Variants in MDM2 observed in about 807,000 individuals in gnomAD.
MDM2 encodes E3 ubiquitin-protein ligase Mdm2.
Under a neutral mutation model 64.3 loss-of-function variants are expected in MDM2, and 11 were observed. The observed-to-expected ratio is 0.17, with a 90% CI of 0.11 to 0.28. MDM2 has a LOEUF of 0.28. Ranked by LOEUF, MDM2 falls within the 10% of genes least tolerant of loss-of-function variation. MDM2 has a pLI of 1.00. For missense variants in MDM2, 388 were observed against 577.1 expected (o/e 0.67, Z 3.36); for synonymous variants, 194 against 192.9 (o/e 1.01, Z -0.05).
Position 68,816,901 on chromosome 12 carries a change from A to C in MDM2, c.264A>C (p.Leu88=). ...TTGTATATTGTTCAAATGATCTTCTAGGAGATTTGTTTGGCGTGCCAAGCT... is the reference window on the plus strand; with the variant it reads ...TTGTATATTGTTCAAATGATCTTCTCGGAGATTTGTTTGGCGTGCCAAGCT... ...QHIVYCSNDL[L]GDLFGVPSFS... is the part of the protein sequence containing the mutation. The change falls in exon 4 of 11, where the codon CTA becomes CTC. Residue 88 remains leucine (L), a synonymous_variant. Transcript: ENST00000258149. The C allele has an allele frequency of 6.2e-7, 1 of 1,613,244 alleles. No individual in the cohort carries two copies. Among genetic ancestry groups the C allele is most frequent in the Non-Finnish European group, 8.5e-7 (1 of 1,179,754 alleles).
rs192498156 is a variant in MDM2, at chr12:68,845,059, C to T, written c.*5210C>T. ...CTGTGATTACAGGCGTGAGCCGCCA[C>T]GCCCAGCCTAATAAGGGTTTTAAAG... On this transcript the variant is annotated 3_prime_UTR_variant, in exon 11 of 11. Transcript: ENST00000258149. The T allele has an allele frequency of 9.0e-5, 19 of 211,524 alleles. No homozygotes were observed. In the East Asian group the frequency reaches 9.2e-4, roughly 10 times the overall value. 13.1% of individuals were successfully genotyped at this position (211,524 alleles called of 1,614,324 possible).
intron 10 of MDM2, among the ~76,000 whole-genome samples, chr12:68,837,193 A>G (rs138939383): frequency 2.0e-5 from 3 of 152,044 alleles, no homozygotes; most frequent in Non-Finnish European, 4.4e-5. Context: ...ACCTCAAGTG[A>G]TCTGCCCACC....
At chr12:68,824,209 G>A (rs1950029924) in intron 5 of MDM2, 154 bp from the exon 6 acceptor site, 4 of 583,932 alleles carry the variant, frequency 6.9e-6, no homozygotes, top group African/African-American at 5.6e-5. Flanking sequence ...GCAACATTTA[G>A]TATGAGGATG....
In MDM2 at chr12:68,836,024, T is replaced by A. The variant is rs535744210; in HGVS notation, c.840+40T>A. 24 of 1,481,504 alleles carry A rather than the reference T, an allele frequency of 1.6e-5. No individual in the cohort carries two copies. In the South Asian group the frequency reaches 2.9e-4, roughly 18 times the overall value. 91.8% of individuals were successfully genotyped at this position (1,481,504 alleles called of 1,614,324 possible). On this transcript the variant is annotated intron_variant, in intron 9 of 10. Transcript: ENST00000258149. ...CCCCTCTAATTATATTGGAAAATTATTAAATATTTTCTATGTTCATTGACT... is the reference window on the plus strand; with the variant it reads ...CCCCTCTAATTATATTGGAAAATTAATAAATATTTTCTATGTTCATTGACT...
Position 68,809,731 on chromosome 12 carries a change from G to A in MDM2, c.99+439G>A, listed in dbSNP as rs78723075. Among the ~76,000 whole-genome samples the A allele has an allele frequency of 1.1e-3, 168 of 152,126 alleles. No homozygotes were observed. The East Asian group carries it at 0.014, about 12-fold the overall frequency. On this transcript the variant is annotated intron_variant, in intron 2 of 10. Transcript: ENST00000258149. ...GTTTCCTTTTAGATTTTTTGTGTGC[G>A]TACCCACATATATTTACATTTGAAT...
At chr12:68,829,622 C>T (rs865934454) in intron 8 of MDM2, among the ~76,000 whole-genome samples, 7 of 152,026 alleles carry the variant, frequency 4.6e-5, no homozygotes, top group Admixed American at 2.6e-4. Context: ...AAAAATTAGC[C>T]AGGCGTGGTG....
chr12:68,810,640 T>G (rs1880801816), intron 2 of MDM2, among the ~76,000 whole-genome samples: 1 of 151,898 alleles, frequency 6.6e-6, no homozygotes. Context: ...TTTTTGTATT[T>G]TTAGTAGAGA....
intron 4 of MDM2, among the ~76,000 whole-genome samples, chr12:68,819,548 A>G (rs192361951): frequency 2.6e-5 from 4 of 152,142 alleles, no homozygotes; most frequent in Admixed American, 2.6e-4. Context: ...CTGGAGTGCA[A>G]TGGCGTGATC....
intron 2 of MDM2, among the ~76,000 whole-genome samples, chr12:68,810,926 C>T (rs138950864): frequency 3.9e-4 from 60 of 152,066 alleles, no homozygotes; most frequent in Non-Finnish European, 6.3e-4. Context: ...AGTGCAATGG[C>T]GAGATCTTGT....
At chr12:68,815,691 C>T in intron 3 of MDM2, 2 of 402,972 alleles carry the variant, frequency 5.0e-6, no homozygotes, top group Non-Finnish European at 1.0e-5. Flanking sequence ...GATCTGCTTA[C>T]CTCGGCCTCC....
Position 68,816,725 on chromosome 12 carries a change from CT to C in MDM2, c.175-86del, listed in dbSNP as rs141130986. On this transcript the variant is annotated intron_variant, in intron 3 of 10. Transcript: ENST00000258149. Reference sequence around the variant, plus strand: ...GGATATGGTTCCTGGTTGTTTACCCCTATTCAGATAAATAGGATATTATTAA... The same window carrying C: ...GGATATGGTTCCTGGTTGTTTACCCCATTCAGATAAATAGGATATTATTAA... 4,461 of 1,163,806 alleles carry C rather than the reference CT, an allele frequency of 3.8e-3. 118 individuals carry two copies. In the African/African-American group the frequency reaches 0.061, roughly 16 times the overall value. 72.1% of individuals were successfully genotyped at this position (1,163,806 alleles called of 1,614,324 possible). A position where few individuals can be genotyped will look rare whatever the true frequency, so the allele number is the denominator to read the frequency against.
At chr12:68,831,484 G>C (rs1181121162) in intron 8 of MDM2, among the ~76,000 whole-genome samples, 1 of 152,122 alleles carries the variant, frequency 6.6e-6, no homozygotes, top group Non-Finnish European at 1.5e-5. Flanking sequence ...GTTATGTGGG[G>C]GCGGCCATGC....
downstream of MDM2, chr12:68,847,196 T>TTATATATATATATATATATATA (rs59862219): frequency 0.035 from 3,212 of 91,464 alleles, 265 homozygotes; most frequent in Non-Finnish European, 0.046. Flanking sequence ...TGTGTGTACA[T>TTATATATATATATATATATATA]TATATATATA....
chr12:68,817,453 A>G (rs2136122781), intron 4 of MDM2, among the ~76,000 whole-genome samples: 1 of 152,290 alleles, frequency 6.6e-6, no homozygotes, highest in Non-Finnish European at 1.5e-5. Context: ...AACCCAGGTA[A>G]TATTTCTAGA....
intron 8 of MDM2, among the ~76,000 whole-genome samples, chr12:68,829,503 C>T (rs1374959076): frequency 2.6e-5 from 4 of 152,164 alleles, no homozygotes; most frequent in Non-Finnish European, 5.9e-5. Context: ...TGCGGTGGCT[C>T]ATGCCTGTAA....
chr12:68,813,285 T>C (rs1339489850), intron 2 of MDM2, among the ~76,000 whole-genome samples: 4 of 152,220 alleles, frequency 2.6e-5, no homozygotes, highest in Non-Finnish European at 5.9e-5. Flanking sequence ...GGTAAGCTCA[T>C]TGGATCTCAG....
chr12:68,821,994 A>G (rs377018186), intron 5 of MDM2, among the ~76,000 whole-genome samples: 21 of 152,188 alleles, frequency 1.4e-4, no homozygotes, highest in African/African-American at 4.8e-4. Context: ...TGCTGGGACT[A>G]CAGATGTGCT....
At chr12:68,814,764 G>T in intron 3 of MDM2, 1 of 166,926 alleles carries the variant, frequency 6.0e-6, no homozygotes, top group South Asian at 1.3e-4. Context: ...TTAAATTTGT[G>T]CACAGAAGCA....
intron 8 of MDM2, among the ~76,000 whole-genome samples, chr12:68,834,521 G>T (rs1883153575): frequency 6.6e-6 from 1 of 152,032 alleles, no homozygotes; most frequent in African/African-American, 2.4e-5. Flanking sequence ...TGAATTGCTT[G>T]AGGTCAGGAG....
Sources: allele counts gnomAD v4.1 joint callset (sites outside exome capture counted in the v4.1 genomes callset), GRCh38; gene constraint gnomAD v4.1.1; transcripts MANE v1.5; gene names NCBI Gene and HGNC (gene_info 2026-07-23, HGNC 2026-07-21).